Variants in STK3 observed in about 807,000 individuals in gnomAD.
STK3 encodes the protein serine/threonine-protein kinase 3.
A neutral mutation model predicts 58.0 loss-of-function variants in STK3; 41 were observed. The ratio of observed to expected loss-of-function variants is 0.71; its 90% CI spans 0.55 to 0.92. STK3 has a LOEUF of 0.92. Among genes scored for constraint, STK3 ranks in the 40% least tolerant of loss-of-function variants. The pLI, the probability that STK3 is intolerant of heterozygous loss-of-function variation, is 0.00. For synonymous variants in STK3, 170 were observed against 191.0 expected (o/e 0.89, Z 0.91); for missense variants, 479 against 602.7 (o/e 0.79, Z 2.15).
At chr8:98,702,714 T>G (rs900279092) in intron 6 of STK3, among the ~76,000 whole-genome samples, 1 of 152,042 alleles carries the variant, frequency 6.6e-6, no homozygotes, top group African/African-American at 2.4e-5. Context: ...GCAGGCATAG[T>G]GGAAAGGGCT....
intron 6 of STK3, among the ~76,000 whole-genome samples, chr8:98,656,845 T>C (rs962474234): frequency 6.6e-6 from 1 of 152,126 alleles, no homozygotes; most frequent in Non-Finnish European, 1.5e-5. Context: ...AGTTCAAGTA[T>C]TTTCCTCAAA....
At chr8:98,823,994 C>T (rs1835079786) in intron 1 of STK3, among the ~76,000 whole-genome samples, 1 of 152,180 alleles carries the variant, frequency 6.6e-6, no homozygotes, top group South Asian at 2.1e-4. Flanking sequence ...CAAACTCTCT[C>T]AACATCCTCA....
chr8:98,379,354 T>C (rs1257419131), intron 1 of STK3: 1 of 152,214 alleles, frequency 6.6e-6, no homozygotes, highest in African/African-American at 2.4e-5. Context: ...ACAGAATAAT[T>C]AGCTTAAAAC....
At chr8:98,690,453 A>G (rs1398109188) in intron 6 of STK3, among the ~76,000 whole-genome samples, 1 of 151,342 alleles carries the variant, frequency 6.6e-6, no homozygotes, top group Non-Finnish European at 1.5e-5. Flanking sequence ...TCCTACCAAA[A>G]AAAAAAAAAA....
At chr8:98,781,707 G>C (rs1430042748) in intron 1 of STK3, among the ~76,000 whole-genome samples, 1 of 152,036 alleles carries the variant, frequency 6.6e-6, no homozygotes, top group African/African-American at 2.4e-5. Flanking sequence ...AAGACAACTT[G>C]CTTAACTGCC....
intron 1 of STK3, among the ~76,000 whole-genome samples, chr8:98,449,274 G>A (rs1819089218): frequency 6.6e-6 from 1 of 152,170 alleles, no homozygotes; most frequent in African/African-American, 2.4e-5. Flanking sequence ...CAAGAACTCT[G>A]TGAGAAGATA....
chr8:98,833,638 G>A (rs1835629078), intron 3 of STK3, among the ~76,000 whole-genome samples: 1 of 152,154 alleles, frequency 6.6e-6, no homozygotes, highest in African/African-American at 2.4e-5. Context: ...TTTGGAGTTG[G>A]TATCTTATTG....
Position 98,548,110 on chromosome 8 carries a change from C to T in STK3, c.1000G>A (p.Val334Met). The T allele has an allele frequency of 6.2e-7, 1 of 1,602,748 alleles. No homozygotes were observed. Among genetic ancestry groups the T allele is most frequent in the South Asian group, 1.1e-5 (1 of 88,760 alleles). ...HTMVKTSVES[V>M]GTMRATSTMS... ...GTGCTTGTGGCCCGCATGGTGCCCA[C>T]ACTCTCCACACTAGTCTTCACCATG... is the stretch of plus-strand genomic sequence containing the variant. Residue 334 changes from valine to methionine, a missense_variant, in exon 9 of 11, where the codon GTG (valine) becomes ATG (methionine). Coordinates refer to ENST00000419617, the MANE Select transcript of STK3 (RefSeq NM_006281.4).
At chr8:98,648,696 A>AG (rs1820608292) in intron 6 of STK3, among the ~76,000 whole-genome samples, 1 of 152,128 alleles carries the variant, frequency 6.6e-6, no homozygotes, top group African/African-American at 2.4e-5. Flanking sequence ...AGTTCAAGCC[A>AG]GTCTGGCCAA....
At chr8:98,769,852 C>T (rs1479329852) in intron 2 of STK3, among the ~76,000 whole-genome samples, 3 of 152,166 alleles carry the variant, frequency 2.0e-5, no homozygotes, top group African/African-American at 7.2e-5. Flanking sequence ...CTTAAATGTC[C>T]AGCTCAAGAC....
At chr8:98,634,339 T>C (rs1450175573) in intron 6 of STK3, among the ~76,000 whole-genome samples, 1 of 151,640 alleles carries the variant, frequency 6.6e-6, no homozygotes, top group Non-Finnish European at 1.5e-5. Flanking sequence ...AAAATATATA[T>C]ATATACAAAA....
chr8:98,647,761 C>T (rs1228068610), intron 6 of STK3, among the ~76,000 whole-genome samples: 1 of 152,164 alleles, frequency 6.6e-6, no homozygotes, highest in Admixed American at 6.5e-5. Context: ...CCCACCTAGG[C>T]CTCCTGAGTA....
At chr8:98,615,246 G>A (rs1339504079) in intron 6 of STK3, among the ~76,000 whole-genome samples, 3 of 149,598 alleles carry the variant, frequency 2.0e-5, no homozygotes, top group Non-Finnish European at 4.4e-5. Context: ...CTGCAGCTGA[G>A]GGTCCTGTCT....
At chr8:98,823,208 T>A (rs902919572) in intron 1 of STK3, among the ~76,000 whole-genome samples, 4 of 151,302 alleles carry the variant, frequency 2.6e-5, no homozygotes, top group Non-Finnish European at 5.9e-5. Context: ...AATGAAAGAG[T>A]AAGACCTACC....
chr8:98,365,677 G>T, the STK3 span, among the ~76,000 whole-genome samples: 1 of 148,830 alleles, frequency 6.7e-6, no homozygotes, highest in African/African-American at 2.5e-5. Context: ...TGGTTTCCAT[G>T]TGTCCCAGTT....
downstream of STK3, chr8:98,879,530 C>G (rs896547718): frequency 1.3e-5 from 2 of 152,128 alleles, no homozygotes; most frequent in African/African-American, 4.8e-5. Flanking sequence ...TTTACATATA[C>G]TTTTATCAAA....
At chr8:98,458,406 A>G (rs1347621226) in intron 10 of STK3, among the ~76,000 whole-genome samples, 1 of 152,120 alleles carries the variant, frequency 6.6e-6, no homozygotes, top group East Asian at 1.9e-4. Flanking sequence ...GGCTAAGTAT[A>G]TTCCTAGGTA....
chr8:98,544,482 GA>G (rs1216673075), intron 9 of STK3, among the ~76,000 whole-genome samples: 1 of 152,026 alleles, frequency 6.6e-6, no homozygotes, highest in Non-Finnish European at 1.5e-5. Flanking sequence ...ATTTATCAGA[GA>G]ATTTCACTGA....
At chr8:98,491,430 ATTT>A (rs1170748631) in intron 10 of STK3, among the ~76,000 whole-genome samples, 1 of 144,476 alleles carries the variant, frequency 6.9e-6, no homozygotes. Context: ...CACCTAGGAA[ATTT>A]TTTTTTTTTT....
Sources: gnomAD v4.1 joint callset for allele counts (sites outside exome capture counted in the v4.1 genomes callset) on GRCh38, gnomAD v4.1.1 for gene constraint, MANE v1.5 for transcripts, NCBI Gene and HGNC (gene_info 2026-07-23, HGNC 2026-07-21) for gene names.